The following BMPER variants were observed in gnomAD, a reference collection of about 807,000 sequenced individuals.
BMPER encodes the protein BMP-binding endothelial regulator protein.
In BMPER, 45 loss-of-function variants were observed where a neutral mutation model predicts 87.3. The observed-to-expected ratio is 0.52, with a 90% CI of 0.41 to 0.66. The LOEUF is 0.66. Ranked by LOEUF, BMPER falls within the 30% of genes least tolerant of loss-of-function variation. The pLI, the probability that BMPER is intolerant of heterozygous loss-of-function variation, is 0.00. For missense variants in BMPER, 784 were observed against 867.5 expected (o/e 0.90, Z 1.21); for synonymous variants, 326 against 316.2 (o/e 1.03, Z -0.33).
At chr7:34,051,480 A>G (rs895991793) in intron 7 of BMPER, among the ~76,000 whole-genome samples, 4 of 151,984 alleles carry the variant, frequency 2.6e-5, no homozygotes, top group Non-Finnish European at 5.9e-5. Flanking sequence ...CAATTCCCAC[A>G]GTTTCTAGAT....
chr7:33,981,538 T>C (rs1785859787), intron 6 of BMPER, among the ~76,000 whole-genome samples: 2 of 152,208 alleles, frequency 1.3e-5, no homozygotes, highest in Admixed American at 1.3e-4. Flanking sequence ...TAATTAGATA[T>C]TTTTGTTTGT....
chr7:33,915,104 T>C lies in BMPER; in HGVS notation c.219+8201T>C, dbSNP rs138194320. Among the ~76,000 whole-genome samples the C allele has an allele frequency of 3.6e-3, 545 of 152,308 alleles. 2 individuals are homozygous for C. Among genetic ancestry groups the C allele is most frequent in the African/African-American group, 0.012 (518 of 41,570 alleles). Reference sequence around the variant, plus strand: ...AATTTAATGCAAAAATCACAAATTTTCCAAACTTTGACTTTAAAAGATCTT... The same window carrying C: ...AATTTAATGCAAAAATCACAAATTTCCCAAACTTTGACTTTAAAAGATCTT... On this transcript the variant is annotated intron_variant, in intron 2 of 14. Transcript: ENST00000649409.
intron 6 of BMPER, among the ~76,000 whole-genome samples, chr7:33,981,772 C>T (rs1490013148): frequency 2.6e-5 from 4 of 152,170 alleles, no homozygotes; most frequent in South Asian, 2.1e-4. Flanking sequence ...GAGAGATGCA[C>T]GTCATTGTGG....
At chr7:34,119,749 G>A (rs1790214404) in intron 13 of BMPER, among the ~76,000 whole-genome samples, 1 of 152,052 alleles carries the variant, frequency 6.6e-6, no homozygotes, top group Non-Finnish European at 1.5e-5. Flanking sequence ...AATTATAAAT[G>A]GATTAAAGCT....
At chr7:33,999,434 T>G (rs904309051) in intron 6 of BMPER, among the ~76,000 whole-genome samples, 1 of 152,272 alleles carries the variant, frequency 6.6e-6, no homozygotes, top group African/African-American at 2.4e-5. Flanking sequence ...ACTTTATTTT[T>G]ATTAGGAAAT....
intron 13 of BMPER, among the ~76,000 whole-genome samples, chr7:34,129,405 G>T (rs1464572575): frequency 6.6e-6 from 1 of 151,778 alleles, no homozygotes; most frequent in Non-Finnish European, 1.5e-5. Context: ...CGAGGCTGAG[G>T]CAGGAGAATC....
At chr7:34,043,031 G>C (rs1286453904) in intron 6 of BMPER, 2 of 152,152 alleles carry the variant, frequency 1.3e-5, no homozygotes, top group Non-Finnish European at 2.9e-5. Flanking sequence ...TTAATGATGG[G>C]GGTGGGGTTG....
chr7:34,149,775 A>T (rs1052398990), intron 14 of BMPER, among the ~76,000 whole-genome samples: 2 of 152,136 alleles, frequency 1.3e-5, no homozygotes, highest in African/African-American at 4.8e-5. Context: ...GTTGGTGGAT[A>T]TGGACATTAG....
At chr7:34,107,826 T>C (rs551376664) in intron 13 of BMPER, among the ~76,000 whole-genome samples, 39 of 152,294 alleles carry the variant, frequency 2.6e-4, no homozygotes, top group Admixed American at 7.2e-4. Flanking sequence ...TGAGAACTTA[T>C]TGTCAAATCA....
chr7:34,131,448 G>A (rs1282927913), intron 13 of BMPER, among the ~76,000 whole-genome samples: 1 of 152,168 alleles, frequency 6.6e-6, no homozygotes, highest in Non-Finnish European at 1.5e-5. Context: ...CATCCTCCAG[G>A]GGCAGCCGCC....
chr7:34,022,137 A>G (rs1787205744), intron 6 of BMPER, among the ~76,000 whole-genome samples: 1 of 152,098 alleles, frequency 6.6e-6, no homozygotes, highest in African/African-American at 2.4e-5. Flanking sequence ...CCCTTTCATC[A>G]CATGATGGGC....
At chr7:33,985,292 C>T (rs1020043257) in intron 6 of BMPER, among the ~76,000 whole-genome samples, 1 of 151,968 alleles carries the variant, frequency 6.6e-6, no homozygotes, top group Non-Finnish European at 1.5e-5. Context: ...AGTTTTATAT[C>T]CTTGTTATTT....
In BMPER at chr7:34,117,801, G is replaced by T. The variant is rs142396497; in HGVS notation, c.1746-25429G>T. Among the ~76,000 whole-genome samples the T allele has an allele frequency of 1.7e-3, 262 of 152,284 alleles. 1 individual carries two copies. Among genetic ancestry groups the T allele is most frequent in the African/African-American group, 5.9e-3 (247 of 41,566 alleles). ...TTTGGCATCAGAGAGGTTGCTGTTAGGCCAGTTAAAAAGACACTCTGTTAA... is the reference window on the plus strand; with the variant it reads ...TTTGGCATCAGAGAGGTTGCTGTTATGCCAGTTAAAAAGACACTCTGTTAA... On this transcript the variant is annotated intron_variant, in intron 13 of 14. Transcript: ENST00000649409.
chr7:34,050,416 GGTGGTGA>G (rs1788119080), intron 7 of BMPER, among the ~76,000 whole-genome samples: 1 of 152,062 alleles, frequency 6.6e-6, no homozygotes, highest in African/African-American at 2.4e-5. Flanking sequence ...GTTTGCTCTT[GGTGGTGA>G]GAACCAAACT....
intron 6 of BMPER, among the ~76,000 whole-genome samples, chr7:34,007,554 ATGTTC>A (rs1786767042): frequency 6.6e-6 from 1 of 151,912 alleles, no homozygotes; most frequent in African/African-American, 2.4e-5. Flanking sequence ...AGTATTCTAT[ATGTTC>A]TGTTCTGTGT....
intron 7 of BMPER, among the ~76,000 whole-genome samples, chr7:34,051,360 T>C (rs1288717773): frequency 6.6e-6 from 1 of 152,172 alleles, no homozygotes; most frequent in Non-Finnish European, 1.5e-5. Context: ...TGATTCCTCC[T>C]ACCTCCACCC....
chr7:33,937,627 A>C (rs964398578), intron 3 of BMPER: 3 of 526,764 alleles, frequency 5.7e-6, no homozygotes, highest in Non-Finnish European at 1.0e-5. Context: ...GCATCTTCAT[A>C]TTTGGTTTGT....
chr7:34,145,842 A>AT (rs2127995392), intron 14 of BMPER, among the ~76,000 whole-genome samples: 1 of 152,228 alleles, frequency 6.6e-6, no homozygotes, highest in Non-Finnish European at 1.5e-5. Flanking sequence ...AGGACTACAC[A>AT]TTTCATGTCA....
At chr7:34,136,019 C>T (rs565130957) in intron 13 of BMPER, among the ~76,000 whole-genome samples, 1 of 152,204 alleles carries the variant, frequency 6.6e-6, no homozygotes, top group Non-Finnish European at 1.5e-5. Flanking sequence ...AATGAAAATG[C>T]CTGGACTTGC....
Sources: allele counts gnomAD v4.1 joint callset (sites outside exome capture counted in the v4.1 genomes callset), GRCh38; gene constraint gnomAD v4.1.1; transcripts MANE v1.5; gene names NCBI Gene and HGNC (gene_info 2026-07-23, HGNC 2026-07-21).